Variants in DOCK6 observed in about 807,000 individuals in gnomAD.
DOCK6 encodes dedicator of cytokinesis protein 6.
In DOCK6, 167 loss-of-function variants were observed where a neutral mutation model predicts 230.3. That is an observed-to-expected ratio of 0.73 (90% CI 0.64 to 0.82). The LOEUF is 0.82. Ranked by LOEUF, DOCK6 falls within the 40% of genes least tolerant of loss-of-function variation. The pLI, the probability that DOCK6 is intolerant of heterozygous loss-of-function variation, is 0.00. For synonymous variants in DOCK6, 1,148 were observed against 1,185.0 expected, an observed-to-expected ratio of 0.97 and a Z score of 0.64; for missense variants, 2,598 against 2,825.8, an observed-to-expected ratio of 0.92 and a Z score of 1.83.
chr19:11,224,285 A>G (rs2147789271), intron 24 of DOCK6, among the ~76,000 whole-genome samples: 1 of 146,806 alleles, frequency 6.8e-6, no homozygotes, highest in East Asian at 2.0e-4. Flanking sequence ...ATCTCGGCTC[A>G]CTGCAACCTC....
intron 32 of DOCK6, among the ~76,000 whole-genome samples, chr19:11,214,942 ATTTTTTT>A (rs141146699): frequency 7.9e-6 from 1 of 127,128 alleles, no homozygotes; most frequent in Non-Finnish European, 1.7e-5. Flanking sequence ...TGCCTGGCTA[ATTTTTTT>A]TTTTTTTTTT....
At chr19:11,258,009 A>G (rs865929853) in intron 1 of DOCK6, among the ~76,000 whole-genome samples, 2 of 152,212 alleles carry the variant, frequency 1.3e-5, no homozygotes, top group Non-Finnish European at 1.5e-5. Flanking sequence ...AAATATGCCA[A>G]TCCAGCAATT....
chr19:11,257,483 A>AAG (rs2080216124), intron 1 of DOCK6, among the ~76,000 whole-genome samples: 1 of 11,318 alleles, frequency 8.8e-5, no homozygotes, highest in Admixed American at 1.9e-3. Context: ...ACTGTCTCTT[A>AAG]AAAAAAAAAA....
rs111347104 is a variant in DOCK6 at position 11,236,454 on chromosome 19, C to T, written c.2284G>A (p.Ala762Thr). 2 of 1,592,858 alleles carry T rather than the reference C, an allele frequency of 1.3e-6. No individual in the cohort carries two copies. Among genetic ancestry groups the T allele is most frequent in the Non-Finnish European group, 8.5e-7 (1 of 1,170,492 alleles). The stretch of plus-strand genomic sequence containing the variant: ...TCGGGGCTGGCCAGGCGCAGTGCTG[C>T]AAGACTGGCCCGCAGCTCCTGCTCC... ...NVEQELRASL[A>T]ALRLASPEPL... Residue 762 changes from alanine to threonine, a missense_variant, in exon 20 of 48, where the codon GCA (alanine) becomes ACA (threonine). Coordinates refer to ENST00000294618, the MANE Select transcript of DOCK6 (RefSeq NM_020812.4). The surrounding 1 kb of genome is among the most constrained non-coding windows in gnomAD (Gnocchi z 5.2).
chr19:11,251,971 T>G, intron 5 of DOCK6, 148 bp downstream of exon 5: 1 of 1,154,350 alleles, frequency 8.7e-7, no homozygotes, highest in Non-Finnish European at 1.2e-6. Context: ...TTTATAATTA[T>G]GACCCCTAAC....
Position 11,217,043 on chromosome 19 carries a change from C to T in DOCK6, c.3765G>A (p.Ala1255=), listed in dbSNP as rs775418443. ...LSAESSRTLL[A]CVLWVLKNTE... Reference sequence around the variant, plus strand: ...TGTTTTTCAGCACCCACAGCACACACGCCAGCAAGGTCCGGCTTGACTCAG... The same window carrying T: ...TGTTTTTCAGCACCCACAGCACACATGCCAGCAAGGTCCGGCTTGACTCAG... Residue 1255 remains alanine, a synonymous_variant, in exon 30 of 48, where the codon GCG becomes GCA. Coordinates refer to ENST00000294618, the MANE Select transcript of DOCK6 (RefSeq NM_020812.4). The T allele has an allele frequency of 2.2e-5, 35 of 1,613,596 alleles. No homozygotes were observed. The highest frequency in any genetic ancestry group is 1.8e-4 in the Admixed American group (11 of 60,020).
rs2079852207 is a variant in DOCK6 at position 11,236,585 on chromosome 19, GGGATGT to G, written c.2161-14_2161-9del. Reference sequence around the variant, plus strand: ...TTTGTCCAGGTAGGGGTCCTGGGTAGGGATGTGGAGTGAGCAGGGTGGGGCCTCAGG... The same window carrying G: ...TTTGTCCAGGTAGGGGTCCTGGGTAGGGAGTGAGCAGGGTGGGGCCTCAGG... On this transcript the variant is annotated splice_polypyrimidine_tract_variant and intron_variant, in intron 19 of 47. Transcript: ENST00000294618. This position sits in a 1 kb window ranked among gnomAD's most constrained non-coding sequence, Gnocchi z 5.2. The G allele has an allele frequency of 6.4e-7, 1 of 1,571,076 alleles. No individual in the cohort carries two copies. Among genetic ancestry groups the G allele is most frequent in the Non-Finnish European group, 8.6e-7 (1 of 1,157,972 alleles).
chr19:11,217,469 C>T (rs979711158), intron 28 of DOCK6, 78 bp from the exon 29 acceptor site: 1 of 1,537,420 alleles, frequency 6.5e-7, no homozygotes, highest in Non-Finnish European at 8.8e-7. Context: ...AGAAGTCTTC[C>T]CTCATGGCCA....
At position 11,243,453 on chromosome 19, in the gene DOCK6, G is replaced by A; in HGVS notation, c.1259-68C>T. On this transcript the variant is annotated intron_variant, in intron 11 of 47. Transcript: ENST00000294618. This position sits in a 1 kb window ranked among gnomAD's most constrained non-coding sequence, Gnocchi z 6.3. The stretch of plus-strand genomic sequence containing the variant: ...AACAGGGAGACTCAGGGGCGGCACA[G>A]TTCGGCCAGCAGAGGGCGCACCCCC... The A allele has an allele frequency of 6.4e-7, 1 of 1,562,370 alleles. No individual in the cohort carries two copies. The highest frequency in any genetic ancestry group is 8.7e-7 in the Non-Finnish European group (1 of 1,155,964).
chr19:11,240,153 C>T (rs1474261288), intron 14 of DOCK6: 1 of 1,551,760 alleles, frequency 6.4e-7, no homozygotes, highest in Admixed American at 2.0e-5. Context: ...GGATATTCTG[C>T]AGCTGCAGGC....
chr19:11,246,655 G>A (rs1017679258), intron 7 of DOCK6, among the ~76,000 whole-genome samples: 1 of 152,128 alleles, frequency 6.6e-6, no homozygotes, highest in African/African-American at 2.4e-5. Flanking sequence ...TGTTCCGTTG[G>A]CATGGGGGCA....
At chr19:11,215,590 G>A (rs1011430131) in intron 31 of DOCK6, 119 bp from the exon 32 acceptor site, 71 of 1,290,864 alleles carry the variant, frequency 5.5e-5, no homozygotes, top group Non-Finnish European at 7.2e-5. Flanking sequence ...GCACTGGGTG[G>A]AGCAGAAGCC....
chr19:11,211,449 C>T (rs999605508), intron 37 of DOCK6, among the ~76,000 whole-genome samples: 5 of 151,538 alleles, frequency 3.3e-5, no homozygotes, highest in African/African-American at 9.7e-5. Flanking sequence ...ATTCTCCTGG[C>T]ATCCTCTTTA....
At chr19:11,220,822 ATTT>A (rs372764985) in intron 28 of DOCK6, among the ~76,000 whole-genome samples, 3 of 139,780 alleles carry the variant, frequency 2.1e-5, no homozygotes, top group Non-Finnish European at 1.6e-5. Flanking sequence ...TAATATCTGA[ATTT>A]TTTTTTTTTT....
chr19:11,258,741 T>G (rs1365254682), intron 1 of DOCK6, among the ~76,000 whole-genome samples: 2 of 147,284 alleles, frequency 1.4e-5, no homozygotes, highest in African/African-American at 5.1e-5. Context: ...CCTATAACTA[T>G]TCTTTAAACT....
intron 6 of DOCK6, among the ~76,000 whole-genome samples, chr19:11,248,419 T>A (rs1012041864): frequency 2.0e-5 from 3 of 151,890 alleles, no homozygotes; most frequent in African/African-American, 7.3e-5. Context: ...GAAGCTTATT[T>A]TTTTTTTTTG....
At chr19:11,248,595 A>G (rs1236475896) in intron 6 of DOCK6, among the ~76,000 whole-genome samples, 4 of 152,068 alleles carry the variant, frequency 2.6e-5, no homozygotes, top group African/African-American at 9.7e-5. Context: ...CTGACCCCTG[A>G]GGCCTGGGCA....
In DOCK6 at chr19:11,217,045, C is replaced by A; in HGVS notation, c.3763G>T (p.Ala1255Ser). The change falls in exon 30 of 48, where the codon GCG becomes TCG. Residue 1255 changes from alanine (A) to serine (S), a missense_variant. By Grantham distance (99) the Ala-to-Ser change is moderately conservative. Transcript: ENST00000294618. Reference sequence around the variant, plus strand: ...TTTTTCAGCACCCACAGCACACACGCCAGCAAGGTCCGGCTTGACTCAGCA... The same window carrying A: ...TTTTTCAGCACCCACAGCACACACGACAGCAAGGTCCGGCTTGACTCAGCA... ...LSAESSRTLLACVLWVLKNTE... is the reference protein window; with the variant it reads ...LSAESSRTLLSCVLWVLKNTE... 6.2e-7 allele frequency: 1 copy of A among 1,613,608 alleles called. No individual in the cohort carries two copies. Among genetic ancestry groups the A allele is most frequent in the South Asian group, 1.1e-5 (1 of 91,088 alleles).
At chr19:11,205,790 A>AT (rs34850891) in intron 39 of DOCK6, 78,738 of 134,590 alleles carry the variant, frequency 0.59, 22,946 homozygotes, top group East Asian at 0.64. Flanking sequence ...AATTTTTTGT[A>AT]TTTTTTTTTT....
Sources: allele counts gnomAD v4.1 joint callset (sites outside exome capture counted in the v4.1 genomes callset), GRCh38; gene constraint gnomAD v4.1.1; non-coding constraint Gnocchi (gnomAD v3.1); transcripts MANE v1.5; gene names NCBI Gene and HGNC (gene_info 2026-07-23, HGNC 2026-07-21).